The following TTN variants were observed in gnomAD, a reference collection of about 807,000 sequenced individuals.
TTN encodes connectin.
A neutral mutation model predicts 3,223.0 loss-of-function variants in TTN; 1,525 were observed. That is an observed-to-expected ratio of 0.47 (90% confidence interval 0.45 to 0.49). TTN has a LOEUF of 0.49. TTN is among the 20% of genes least tolerant of loss of function. TTN has a pLI of 0.00. For missense variants in TTN, 40,786 were observed against 43,424.0 expected, an observed-to-expected ratio of 0.94 and a Z score of 5.40; for synonymous variants, 14,094 against 15,161.0, an observed-to-expected ratio of 0.93 and a Z score of 5.17.
chr2:178,735,804 T>C lies in TTN; in HGVS notation c.14642A>G (p.Glu4881Gly). Residue 4881 changes from glutamate to glycine, a missense_variant, in exon 50 of 363, where the codon GAG becomes GGG. Coordinates refer to ENST00000589042, the MANE Select transcript of TTN (RefSeq NM_001267550.2). ...NKFGADICQAELIIIDKPHFI... is the reference protein window; with the variant it reads ...NKFGADICQAGLIIIDKPHFI... ...ATGTGGCTTATCAATGATGATCAAC[T>C]CTGCTTGGCAGATGTCTGCTCCAAA... 1 of 1,613,736 alleles carries C rather than the reference T, an allele frequency of 6.2e-7. No individual in the cohort carries two copies. Among genetic ancestry groups the C allele is most frequent in the Non-Finnish European group, 8.5e-7 (1 of 1,179,780 alleles).
intron 43 of TTN, among the ~76,000 whole-genome samples, chr2:178,761,914 T>C (rs577326666): frequency 2.5e-4 from 38 of 152,238 alleles, no homozygotes; most frequent in Non-Finnish European, 4.3e-4. Flanking sequence ...ATCTGTAGAA[T>C]AAACAGCAAA....
chr2:178,579,592 G>A lies in TTN; in HGVS notation c.67605C>T (p.Ser22535=), dbSNP rs750847940. The A allele has an allele frequency of 5.6e-6, 9 of 1,613,206 alleles. No homozygotes were observed. The highest frequency in any genetic ancestry group is 4.5e-5 in the East Asian group (2 of 44,800). ...CATCCCTTGCCACAACAGTGATTTC[G>A]CTTGGGGTTCCTTCTCCATTTTCAT... is the stretch of plus-strand genomic sequence containing the variant. ...AENENGEGTP[S]EITVVARDDV... The change falls in exon 319 of 363, where the codon AGC becomes AGT. Residue 22535 remains serine (S), a synonymous_variant. Coordinates refer to ENST00000589042, the MANE Select transcript of TTN (RefSeq NM_001267550.2).
At position 178,558,381 on chromosome 2, in the gene TTN, C is replaced by T. The variant is rs772691207; in HGVS notation, c.87078G>A (p.Pro29026=). Reference sequence around the variant, plus strand: ...TAAGAACAGGAAGCAGAAGCTCTCTCGGGTCACTCAGGCCAGCTTGATTTT... The same window carrying T: ...TAAGAACAGGAAGCAGAAGCTCTCTTGGGTCACTCAGGCCAGCTTGATTTT... ...FAENQAGLSD[P]RELLLPVLIK... is the part of the protein sequence containing the mutation. The change falls in exon 327 of 363, where the codon CCG becomes CCA. Residue 29026 remains proline (P), a synonymous_variant. Coordinates refer to ENST00000589042, the MANE Select transcript of TTN (RefSeq NM_001267550.2). 9 of 1,613,478 alleles carry T rather than the reference C, an allele frequency of 5.6e-6. No homozygotes were observed. The highest frequency in any genetic ancestry group is 2.2e-5 in the East Asian group (1 of 44,766).
At chr2:178,774,862 A>G (rs2092017471) in intron 29 of TTN, 59 bp downstream of exon 29, 2 of 1,594,280 alleles carry the variant, frequency 1.3e-6, no homozygotes, top group African/African-American at 2.7e-5. Flanking sequence ...TAATTTTACC[A>G]CATGCTAAGG....
Position 178,653,226 on chromosome 2 carries a change from A to C in TTN, c.38791+12T>G. 1 of 1,611,860 alleles carries C rather than the reference A, an allele frequency of 6.2e-7. No individual in the cohort carries two copies. Among genetic ancestry groups the C allele is most frequent in the Non-Finnish European group, 8.5e-7 (1 of 1,179,232 alleles). The stretch of plus-strand genomic sequence containing the variant: ...ATTAGATCATCTGAAGCCTAAGGTC[A>C]GTGACAAATACCTTTAACAGGTGGG... On this transcript the variant is annotated intron_variant, in intron 198 of 362. Transcript: ENST00000589042.
chr2:178,701,851 T>C (rs368411438), intron 109 of TTN, among the ~76,000 whole-genome samples, 189 bp downstream of exon 109: 1 of 152,212 alleles, frequency 6.6e-6, no homozygotes, highest in East Asian at 1.9e-4. Flanking sequence ...TTATCTCTAA[T>C]TTGCCAGACT....
Position 178,696,271 on chromosome 2 carries a change from TA to T in TTN, c.30803-3del. 1.3e-6 allele frequency: 2 copies of T among 1,520,028 alleles called. No homozygotes were observed. Among genetic ancestry groups the T allele is most frequent in the Non-Finnish European group, 1.8e-6 (2 of 1,138,862 alleles). The allele number at this position is 1,520,028 out of a possible 1,614,324, so 94.2% of individuals were successfully genotyped here. ...AGGATACATCAATGATTTCAGGAGC[TA>T]AAATAGATAAAGATACTATTAGCAT... On this transcript the variant is annotated splice_polypyrimidine_tract_variant and splice_region_variant and intron_variant, in intron 113 of 362. Coordinates refer to ENST00000589042, the MANE Select transcript of TTN (RefSeq NM_001267550.2).
chr2:178,704,205 C>A lies in TTN; in HGVS notation c.30165G>T (p.Gln10055His). The change falls in exon 106 of 363, where the codon CAG (glutamine) becomes CAT (histidine). Residue 10055 changes from glutamine to histidine, a missense_variant. Coordinates refer to ENST00000589042, the MANE Select transcript of TTN (RefSeq NM_001267550.2). ...LTIADVRAED[Q>H]GQYTCKYEDL... ...CTTCATATTTGCAGGTGTACTGACCCTGGTCTTCTGCTCGAACATCTGCAA... is the reference window on the plus strand; with the variant it reads ...CTTCATATTTGCAGGTGTACTGACCATGGTCTTCTGCTCGAACATCTGCAA... The A allele has an allele frequency of 1.2e-6, 2 of 1,613,980 alleles. No individual in the cohort carries two copies. The highest frequency in any genetic ancestry group is 8.5e-7 in the Non-Finnish European group (1 of 1,179,866).
In TTN at chr2:178,780,167, G is replaced by A. The variant is rs761608168; in HGVS notation, c.3562C>T (p.Leu1188Phe). The A allele has an allele frequency of 3.7e-6, 6 of 1,613,686 alleles. No homozygotes were observed. The South Asian group carries it at 5.5e-5, about 15-fold the overall frequency. ...ELLMKSQQEM[L>F]YQTQVTAFVQ... is the part of the protein sequence containing the mutation. ...AATGCAGTCACTTGTGTCTGATAAA[G>A]CATTTCTTGCTGGGACTTCATCAGT... Residue 1188 changes from leucine to phenylalanine, a missense_variant, in exon 22 of 363, where the codon CTT (leucine) becomes TTT (phenylalanine). By Grantham distance (22) the Leu-to-Phe change is conservative. Transcript: ENST00000589042.
Position 178,611,631 on chromosome 2 carries a change from T to C in TTN, c.50598A>G (p.Arg16866=). ...GCTTCCAAGCAATGGCAATGTGTTT[T>C]CTCCCAGCATCAGTCACATGTAGGT... is the stretch of plus-strand genomic sequence containing the variant. The part of the protein sequence containing the change: ...PLDLHVTDAG[R]KHIAIAWKPP... The change falls in exon 269 of 363, where the codon AGA becomes AGG. Residue 16866 remains arginine, a synonymous_variant. Transcript: ENST00000589042. The C allele has an allele frequency of 6.2e-7, 1 of 1,613,076 alleles. No homozygotes were observed.
At position 178,636,948 on chromosome 2, in the gene TTN, A is replaced by G; in HGVS notation, c.40928-149T>C. On this transcript the variant is annotated intron_variant, in intron 224 of 362. Transcript: ENST00000589042. The surrounding 1 kb of genome is among the most constrained non-coding windows in gnomAD (Gnocchi z 4.3). ...GGCAATTGAAAGGCCAATTGAGTTTATACTGCCTTGTTTCAGGCAGGAAAA... is the reference window on the plus strand; with the variant it reads ...GGCAATTGAAAGGCCAATTGAGTTTGTACTGCCTTGTTTCAGGCAGGAAAA... The G allele has an allele frequency of 3.7e-6, 3 of 813,634 alleles. No individual in the cohort carries two copies. The Admixed American group carries it at 9.5e-5, about 26-fold the overall frequency. 50.4% of individuals were successfully genotyped at this position (813,634 alleles called of 1,614,324 possible).
intron 361 of TTN, 177 bp from the exon 362 acceptor site, chr2:178,527,925 A>G (rs369232237): frequency 1.0e-5 from 6 of 587,246 alleles, no homozygotes; most frequent in African/African-American, 3.7e-5. Flanking sequence ...AGCTAGCTCA[A>G]TGTCTCCAAA....
chr2:178,608,820 A>G lies in TTN; in HGVS notation c.52191T>C (p.Gly17397=), dbSNP rs1157108147. 6.2e-7 allele frequency: 1 copy of G among 1,612,498 alleles called. No individual in the cohort carries two copies. Among genetic ancestry groups the G allele is most frequent in the South Asian group, 1.1e-5 (1 of 91,056 alleles). Residue 17397 remains glycine, a synonymous_variant, in exon 274 of 363, where the codon GGT becomes GGC. Coordinates refer to ENST00000589042, the MANE Select transcript of TTN (RefSeq NM_001267550.2). The part of the protein sequence containing the change: ...LCKWEPPLDD[G]GSEIINYTLE... ...AAGTGTAGTTTATGATTTCACTGCC[A>G]CCATCATCAAGGGGTGGTTCCCATT... is the stretch of plus-strand genomic sequence containing the variant.
chr2:178,575,268 C>T lies in TTN; in HGVS notation c.70864G>A (p.Val23622Ile), dbSNP rs72646892. ...GRSAPRESRP[V>I]IVKEQTMLPE... Reference sequence around the variant, plus strand: ...AGCATTGTCTGCTCCTTGACAATGACGGGTCTGCTTTCTCTAGGGGCACTT... The same window carrying T: ...AGCATTGTCTGCTCCTTGACAATGATGGGTCTGCTTTCTCTAGGGGCACTT... The change falls in exon 326 of 363, where the codon GTC becomes ATC. Residue 23622 changes from valine to isoleucine, a missense_variant. Physicochemically the swap from Val to Ile is conservative, Grantham distance 29. Coordinates refer to ENST00000589042, the MANE Select transcript of TTN (RefSeq NM_001267550.2). This position sits in a 1 kb window ranked among gnomAD's most constrained non-coding sequence, Gnocchi z 4.0. 4.1e-5 allele frequency: 66 copies of T among 1,613,114 alleles called. No individual in the cohort carries two copies. The highest frequency in any genetic ancestry group is 4.5e-5 in the East Asian group (2 of 44,644).
Position 178,698,916 on chromosome 2 carries a change from TAA to T in TTN, c.30683-4_30683-3del, listed in dbSNP as rs368277751. On this transcript the variant is annotated splice_polypyrimidine_tract_variant and splice_region_variant and intron_variant, in intron 111 of 362. Coordinates refer to ENST00000589042, the MANE Select transcript of TTN (RefSeq NM_001267550.2). ...CTTTCTTCACAGCCTTTTTGGTAACTAAAAAAAAAAAAAAAGAAAAAAAAAGA... is the reference window on the plus strand; with the variant it reads ...CTTTCTTCACAGCCTTTTTGGTAACTAAAAAAAAAAAAAGAAAAAAAAAGA... 14,777 of 1,239,238 alleles carry T rather than the reference TAA, an allele frequency of 0.012. No individual in the cohort carries two copies. Among genetic ancestry groups the T allele is most frequent in the South Asian group, 0.026 (1,547 of 59,964 alleles). The allele number at this position is 1,239,238 out of a possible 1,614,324, so 76.8% of individuals were successfully genotyped here.
At position 178,682,873 on chromosome 2, in the gene TTN, G is replaced by T; in HGVS notation, c.32918C>A (p.Ala10973Asp). The T allele has an allele frequency of 6.2e-7, 1 of 1,609,704 alleles. No individual in the cohort carries two copies. Among genetic ancestry groups the T allele is most frequent in the African/African-American group, 1.3e-5 (1 of 74,720 alleles). Residue 10973 changes from alanine (A) to aspartate (D), a missense_variant, in exon 135 of 363, where the codon GCT becomes GAT. Coordinates refer to ENST00000589042, the MANE Select transcript of TTN (RefSeq NM_001267550.2). ...AACAGCTTCTTCTTCTAGGGTATAA[G>T]CCCTTTCTTTCTCTTCCATTATAGT... is the stretch of plus-strand genomic sequence containing the variant. ...EVTIMEEKER[A>D]YTLEEEAVSV... is the part of the protein sequence containing the mutation.
Position 178,678,212 on chromosome 2 carries a change from T to C in TTN, c.33911-4A>G, listed in dbSNP as rs535793121. 6.2e-7 allele frequency: 1 copy of C among 1,600,728 alleles called. No individual in the cohort carries two copies. Among genetic ancestry groups the C allele is most frequent in the East Asian group, 2.2e-5 (1 of 44,742 alleles). ...AGCTTCTTGGGCACCTCTGGCACTT[T>C]AAAGATATTATTTATATTTAGGAAT... is the stretch of plus-strand genomic sequence containing the variant. On this transcript the variant is annotated splice_region_variant and splice_polypyrimidine_tract_variant and intron_variant, in intron 144 of 362. Coordinates refer to ENST00000589042, the MANE Select transcript of TTN (RefSeq NM_001267550.2).
At chr2:178,588,461 A>G (rs1318764189) in intron 304 of TTN, 77 bp downstream of exon 304, 1 of 1,430,720 alleles carries the variant, frequency 7.0e-7, no homozygotes, top group Non-Finnish European at 9.4e-7. Flanking sequence ...TAGATGTTAC[A>G]TTAACTTATT....
In TTN at chr2:178,616,865, C is replaced by A. The variant is rs780824428; in HGVS notation, c.48024G>T (p.Arg16008=). The A allele has an allele frequency of 8.7e-6, 14 of 1,612,612 alleles. No homozygotes were observed. The highest frequency in any genetic ancestry group is 1.1e-5 in the Non-Finnish European group (13 of 1,179,154). ...AGGCAGACAAGGTCTTCATTTTCACCCGGTCCCCTGTTTCTAGTACTTTAT... is the reference window on the plus strand; with the variant it reads ...AGGCAGACAAGGTCTTCATTTTCACACGGTCCCCTGTTTCTAGTACTTTAT... ...FGDKVLETGD[R]VKMKTLSAYA... is the part of the protein sequence containing the mutation. The change falls in exon 256 of 363, where the codon CGG becomes CGT. Residue 16008 remains arginine (R), a synonymous_variant. Coordinates refer to ENST00000589042, the MANE Select transcript of TTN (RefSeq NM_001267550.2).
Sources: gnomAD v4.1 joint callset for allele counts (sites outside exome capture counted in the v4.1 genomes callset) on GRCh38, gnomAD v4.1.1 for gene constraint, Gnocchi (gnomAD v3.1) non-coding constraint, MANE v1.5 for transcripts, NCBI Gene and HGNC (gene_info 2026-07-23, HGNC 2026-07-21) for gene names.